DCAKD: variants seen among roughly 807,000 people sequenced by gnomAD.
DCAKD encodes dephospho-CoA kinase domain-containing protein.
A neutral mutation model predicts 18.7 loss-of-function variants in DCAKD; 15 were observed. The observed-to-expected ratio is 0.80, with a 90% CI of 0.54 to 1.24. The LOEUF is 1.24. Among genes scored for constraint, DCAKD ranks in the 50% most tolerant of loss-of-function variants. DCAKD has a pLI of 0.00. For missense variants in DCAKD, 301 were observed against 322.0 expected, an observed-to-expected ratio of 0.93 and a Z score of 0.50; for synonymous variants, 130 against 133.0, an observed-to-expected ratio of 0.98 and a Z score of 0.16.
intron 4 of DCAKD, 56 bp downstream of exon 4, chr17:45,030,036 G>A: frequency 6.6e-6 from 10 of 1,507,098 alleles, no homozygotes; most frequent in Non-Finnish European, 9.2e-6. Context: ...GATGTGGGCT[G>A]TTTCCCAGAT....
At position 45,024,186 on chromosome 17, in the gene DCAKD, G is replaced by C; in HGVS notation, c.*247C>G. On this transcript the variant is annotated 3_prime_UTR_variant, in exon 5 of 5. Transcript: ENST00000651974. ...TGCTGTTCTGTAGGTGCTGCTCAGGGAAGGTGGGAAGGACAGCAGGCTATT... is the reference window on the plus strand; with the variant it reads ...TGCTGTTCTGTAGGTGCTGCTCAGGCAAGGTGGGAAGGACAGCAGGCTATT... 2 of 501,460 alleles carry C rather than the reference G, an allele frequency of 4.0e-6. No individual in the cohort carries two copies. Among genetic ancestry groups the C allele is most frequent in the Non-Finnish European group, 7.1e-6 (2 of 280,746 alleles). 31.1% of individuals were successfully genotyped at this position (501,460 alleles called of 1,614,324 possible).
At chr17:45,041,986 T>G (rs1481542246) in intron 1 of DCAKD, among the ~76,000 whole-genome samples, 1 of 151,358 alleles carries the variant, frequency 6.6e-6, no homozygotes, top group African/African-American at 2.4e-5. Flanking sequence ...CATGATGGCA[T>G]ATGTCTGTAG....
rs1444332419 is a variant in DCAKD at position 45,034,398 on chromosome 17, A to G, written c.113-8T>C. On this transcript the variant is annotated splice_polypyrimidine_tract_variant and splice_region_variant and intron_variant, in intron 2 of 4. Transcript: ENST00000651974. Reference sequence around the variant, plus strand: ...GGTATCCTGGCTGCACGACTGTGGCAGGAGGAAGAAGCTGGGTCACTCCCT... The same window carrying G: ...GGTATCCTGGCTGCACGACTGTGGCGGGAGGAAGAAGCTGGGTCACTCCCT... 1.2e-6 allele frequency: 2 copies of G among 1,613,348 alleles called. No individual in the cohort carries two copies. The highest frequency in any genetic ancestry group is 2.2e-5 in the East Asian group (1 of 44,864).
At chr17:45,032,673 C>T (rs1356254875) in intron 3 of DCAKD, among the ~76,000 whole-genome samples, 2 of 151,840 alleles carry the variant, frequency 1.3e-5, no homozygotes, top group Non-Finnish European at 2.9e-5. Context: ...GTCCCAGCTA[C>T]TCGGGAGGCT....
chr17:45,061,013 T>C (rs1283465134), exon 1 of DCAKD: 6 of 1,122,150 alleles, frequency 5.3e-6, no homozygotes, highest in Admixed American at 4.7e-5. Context: ...TAAACCAGCA[T>C]CGAACTACAA....
intron 1 of DCAKD, among the ~76,000 whole-genome samples, chr17:45,037,495 C>T (rs962945526): frequency 6.6e-6 from 1 of 151,746 alleles, no homozygotes; most frequent in Admixed American, 6.6e-5. Context: ...TCACTCTTGT[C>T]GTTGCCCAGG....
intron 3 of DCAKD, chr17:45,032,022 G>A: frequency 1.0e-6 from 1 of 985,444 alleles, no homozygotes; most frequent in Non-Finnish European, 1.2e-6. Context: ...CTGGGTGGAT[G>A]ACACAGTGAA....
At chr17:45,046,681 A>G (rs1418212794) in intron 1 of DCAKD, among the ~76,000 whole-genome samples, 1 of 151,370 alleles carries the variant, frequency 6.6e-6, no homozygotes, top group Non-Finnish European at 1.5e-5. Flanking sequence ...TGGCCTACAC[A>G]CAGGAGAATG....
chr17:45,048,689 C>T (rs1209769947), intron 1 of DCAKD, among the ~76,000 whole-genome samples: 1 of 151,086 alleles, frequency 6.6e-6, no homozygotes. Context: ...ACCTGTAATC[C>T]CAGCTACTCA....
At position 45,032,091 on chromosome 17, in the gene DCAKD, C is replaced by T. The variant is rs921140562; in HGVS notation, c.317-1912G>A. The stretch of plus-strand genomic sequence containing the variant: ...TAATTTCAGAAGGGGAGAGCCACTG[C>T]CGCCTCGAAGCCCTGCAGATATACC... On this transcript the variant is annotated intron_variant, in intron 3 of 4. Transcript: ENST00000651974. The T allele has an allele frequency of 2.1e-5, 21 of 985,274 alleles. No individual in the cohort carries two copies. In the African/African-American group the frequency reaches 3.0e-4, roughly 14 times the overall value. The allele number at this position is 985,274 out of a possible 1,614,324, so 61.0% of individuals were successfully genotyped here.
At chr17:45,041,690 A>T (rs1263172151) in intron 1 of DCAKD, among the ~76,000 whole-genome samples, 1 of 151,976 alleles carries the variant, frequency 6.6e-6, no homozygotes, top group Non-Finnish European at 1.5e-5. Flanking sequence ...ACTACTCTTC[A>T]GTCACCCTGT....
chr17:45,044,387 TC>T, intron 1 of DCAKD, among the ~76,000 whole-genome samples: 1 of 152,158 alleles, frequency 6.6e-6, no homozygotes, highest in Non-Finnish European at 1.5e-5. Flanking sequence ...CTGGCTGGAA[TC>T]ACCTTAAAAG....
At position 45,051,415 on chromosome 17, in the gene DCAKD, A is replaced by G. The variant is rs2053692578; in HGVS notation, c.-169T>C. The stretch of plus-strand genomic sequence containing the variant: ...ATACATCGTAACTCAGGCTTTCAAA[A>G]GAGGCCCGTACGCCCCACTAGGCCG... On this transcript the variant is annotated 5_prime_UTR_variant, in exon 1 of 5. Transcript: ENST00000651974. 1 of 152,122 alleles carries G rather than the reference A, an allele frequency of 6.6e-6. No homozygotes were observed. The highest frequency in any genetic ancestry group is 1.5e-5 in the Non-Finnish European group (1 of 68,030). The allele number at this position is 152,122 out of a possible 1,614,324, so 9.4% of individuals were successfully genotyped here.
upstream of DCAKD, among the ~76,000 whole-genome samples, chr17:45,052,880 T>C (rs961462673): frequency 1.3e-5 from 2 of 148,590 alleles, no homozygotes; most frequent in African/African-American, 5.0e-5. Flanking sequence ...ATAAAGCATC[T>C]AGGCCGGGCG....
chr17:45,057,909 G>A (rs769564211), intron 1 of DCAKD, among the ~76,000 whole-genome samples: 5 of 150,402 alleles, frequency 3.3e-5, no homozygotes, highest in Non-Finnish European at 4.4e-5. Context: ...TACTTGGGAG[G>A]CTGAGGCAGG....
At position 45,030,898 on chromosome 17, in the gene DCAKD, C is replaced by T. The variant is rs912526186; in HGVS notation, c.317-719G>A. The T allele has an allele frequency of 5.8e-6, 5 of 865,456 alleles. No individual in the cohort carries two copies. The African/African-American group carries it at 7.3e-5, about 13-fold the overall frequency. 53.6% of individuals were successfully genotyped at this position (865,456 alleles called of 1,614,324 possible). On this transcript the variant is annotated intron_variant, in intron 3 of 4. Coordinates refer to ENST00000651974, the MANE Select transcript of DCAKD (RefSeq NM_001288655.2). ...GCAGTGTAAAAGGCACTGGCTGGACCTCCCACCACAAGCCAAGGCCAGTCA... is the reference window on the plus strand; with the variant it reads ...GCAGTGTAAAAGGCACTGGCTGGACTTCCCACCACAAGCCAAGGCCAGTCA...
intron 1 of DCAKD, among the ~76,000 whole-genome samples, chr17:45,040,261 C>A (rs565745615): frequency 2.1e-4 from 32 of 152,090 alleles, no homozygotes; most frequent in African/African-American, 7.5e-4. Context: ...GTGGCGCATG[C>A]CTGTAATCCC....
chr17:45,039,909 A>G (rs966767813), intron 1 of DCAKD, among the ~76,000 whole-genome samples: 2 of 152,258 alleles, frequency 1.3e-5, no homozygotes, highest in African/African-American at 2.4e-5. Context: ...CCTGGCCAAC[A>G]TGGCGAAACC....
At chr17:45,032,419 G>A (rs1216130145) in intron 3 of DCAKD, among the ~76,000 whole-genome samples, 6 of 152,040 alleles carry the variant, frequency 3.9e-5, no homozygotes, top group Admixed American at 1.3e-4. Context: ...TGGCCACAGG[G>A]GGATGAGGGT....
Sources: allele counts gnomAD v4.1 joint callset (sites outside exome capture counted in the v4.1 genomes callset), GRCh38; gene constraint gnomAD v4.1.1; transcripts MANE v1.5; gene names NCBI Gene and HGNC (gene_info 2026-07-23, HGNC 2026-07-21).